GPM6A: variants seen among roughly 807,000 people sequenced by gnomAD.
GPM6A encodes the protein glycoprotein M6A.
Under a neutral mutation model 32.1 loss-of-function variants are expected in GPM6A, and 7 were observed. The observed-to-expected ratio is 0.22, with a 90% CI of 0.12 to 0.41. GPM6A has a LOEUF of 0.41. GPM6A is among the 10% of genes least tolerant of loss of function. The pLI is 1.00. For missense variants in GPM6A, 235 were observed against 347.2 expected, an observed-to-expected ratio of 0.68 and a Z score of 2.57; for synonymous variants, 130 against 123.4, an observed-to-expected ratio of 1.05 and a Z score of -0.35.
intron 3 of GPM6A, among the ~76,000 whole-genome samples, chr4:175,663,390 T>C (rs1178976615): frequency 1.3e-5 from 2 of 152,090 alleles, no homozygotes; most frequent in African/African-American, 4.8e-5. Context: ...GTGATGGGGT[T>C]TGGGGAGAGA....
At chr4:175,763,879 T>C (rs1188383924) in intron 1 of GPM6A, among the ~76,000 whole-genome samples, 1 of 152,224 alleles carries the variant, frequency 6.6e-6, no homozygotes, top group Admixed American at 6.5e-5. Context: ...CTTTGTGAAG[T>C]TCTGCAGTTA....
At chr4:175,942,802 C>T (rs1579649064) in intron 1 of GPM6A, among the ~76,000 whole-genome samples, 1 of 152,136 alleles carries the variant, frequency 6.6e-6, no homozygotes, top group East Asian at 1.9e-4. Context: ...AGTTTGAAGT[C>T]AGGTAGCGTG....
chr4:175,664,428 A>G (rs971669752), intron 3 of GPM6A, among the ~76,000 whole-genome samples: 4 of 152,228 alleles, frequency 2.6e-5, no homozygotes, highest in Non-Finnish European at 4.4e-5. Context: ...GAGGCTGCAC[A>G]TATGTAAGAA....
chr4:175,666,343 T>C (rs912731200), intron 3 of GPM6A, among the ~76,000 whole-genome samples: 1 of 152,186 alleles, frequency 6.6e-6, no homozygotes, highest in African/African-American at 2.4e-5. Context: ...CCTTAAAATA[T>C]AAACTATAGT....
At chr4:175,667,611 A>G (rs994604623) in intron 3 of GPM6A, among the ~76,000 whole-genome samples, 9 of 152,276 alleles carry the variant, frequency 5.9e-5, no homozygotes, top group Non-Finnish European at 1.2e-4. Flanking sequence ...CAAATATACC[A>G]TATTAAAGTA....
chr4:175,899,132 C>T (rs1363252324), intron 1 of GPM6A, among the ~76,000 whole-genome samples: 1 of 152,090 alleles, frequency 6.6e-6, no homozygotes, highest in East Asian at 1.9e-4. Context: ...TTGCTTCTTC[C>T]TCTCCCCTCT....
chr4:175,942,763 C>A (rs1010455658), intron 1 of GPM6A, among the ~76,000 whole-genome samples: 1 of 152,134 alleles, frequency 6.6e-6, no homozygotes, highest in African/African-American at 2.4e-5. Flanking sequence ...CAGTACCATG[C>A]TATTTTGGTT....
chr4:175,713,316 C>A (rs1745657031), intron 1 of GPM6A, among the ~76,000 whole-genome samples: 1 of 152,094 alleles, frequency 6.6e-6, no homozygotes. Context: ...CATTCTCCTG[C>A]CTCAGCCTCC....
intron 2 of GPM6A, among the ~76,000 whole-genome samples, chr4:175,680,710 G>T (rs1031933349): frequency 7.2e-5 from 11 of 152,256 alleles, no homozygotes; most frequent in Admixed American, 2.0e-4. Context: ...TGTCCGTCCT[G>T]TTCCTTGTAG....
intron 1 of GPM6A, among the ~76,000 whole-genome samples, chr4:175,748,116 C>G (rs982294651): frequency 1.3e-5 from 2 of 152,126 alleles, no homozygotes; most frequent in African/African-American, 4.8e-5. Context: ...TCCTCTATAT[C>G]TGCAGTTACT....
In GPM6A at chr4:175,968,050, G is replaced by A. The variant is rs116023111; in HGVS notation, c.-23+34259C>T. Among the ~76,000 whole-genome samples the A allele has an allele frequency of 5.2e-3, 786 of 152,054 alleles. 4 individuals carry two copies. Among genetic ancestry groups the A allele is most frequent in the African/African-American group, 0.017 (724 of 41,498 alleles). On this transcript the variant is annotated intron_variant, in intron 1 of 7. Transcript: ENST00000280187. ...ACAAAGTTATAGCAATCAAAACAGC[G>A]TAATACTGGCAAAAGAATAGACAAA... is the stretch of plus-strand genomic sequence containing the variant.
At chr4:175,964,273 C>T (rs548816617) in intron 1 of GPM6A, among the ~76,000 whole-genome samples, 25 of 145,366 alleles carry the variant, frequency 1.7e-4, no homozygotes, top group Non-Finnish European at 3.5e-4. Context: ...CTACACCAAA[C>T]TCTATGTTGT....
chr4:175,812,533 G>T (rs1734972095), upstream of GPM6A: 15 of 1,077,832 alleles, frequency 1.4e-5, no homozygotes, highest in Middle Eastern at 8.3e-4. Context: ...CAAACAAATA[G>T]CCTGAGAATT....
intron 1 of GPM6A, among the ~76,000 whole-genome samples, chr4:175,890,116 A>C (rs1737594449): frequency 1.3e-5 from 2 of 152,228 alleles, no homozygotes; most frequent in Admixed American, 6.5e-5. Context: ...ATGAGACTCT[A>C]CTGCATACCC....
rs368407396 is a variant in GPM6A at position 175,932,193 on chromosome 4, A to G, written c.-23+70116T>C. Among the ~76,000 whole-genome samples the G allele has an allele frequency of 1.6e-4, 24 of 152,296 alleles. 1 individual carries two copies. Among genetic ancestry groups the G allele is most frequent in the African/African-American group, 3.1e-4 (13 of 41,570 alleles). ...GCTATTGTTTGGATGTGTCCCTTCC[A>G]AAATGCAGGTGTTGCCAGTACTATA... On this transcript the variant is annotated intron_variant, in intron 1 of 7. Coordinates refer to the GPM6A transcript ENST00000280187.
intron 1 of GPM6A, among the ~76,000 whole-genome samples, chr4:175,878,129 C>T (rs1737144846): frequency 6.6e-6 from 1 of 152,232 alleles, no homozygotes; most frequent in African/African-American, 2.4e-5. Context: ...AGCTCTGCCC[C>T]TGTAGCTTTG....
rs763002687 is a variant in GPM6A, at chr4:175,970,904, C to G, written c.-23+31405G>C. ...TAGGCATCACTCGATACCGACAGAC[C>G]CTTTTTTTTCCCAACTGAAGAACAC... is the stretch of plus-strand genomic sequence containing the variant. On this transcript the variant is annotated intron_variant, in intron 1 of 7. Coordinates refer to the GPM6A transcript ENST00000280187. The G allele has an allele frequency of 7.0e-5, 31 of 446,000 alleles. No individual in the cohort carries two copies. The East Asian group carries it at 1.2e-3, about 17-fold the overall frequency. 27.6% of individuals were successfully genotyped at this position (446,000 alleles called of 1,614,324 possible).
At chr4:175,826,231 C>T (rs1212535938) in intron 1 of GPM6A, among the ~76,000 whole-genome samples, 4 of 152,126 alleles carry the variant, frequency 2.6e-5, no homozygotes, top group East Asian at 1.9e-4. Flanking sequence ...CTGATCCGTA[C>T]CATAAGGCTT....
intron 1 of GPM6A, among the ~76,000 whole-genome samples, chr4:175,867,799 G>T (rs1230995810): frequency 6.6e-6 from 1 of 152,134 alleles, no homozygotes; most frequent in Admixed American, 6.6e-5. Flanking sequence ...CACATGAAAG[G>T]CTACAGCCGA....
Sources: gnomAD v4.1 joint callset for allele counts (sites outside exome capture counted in the v4.1 genomes callset) on GRCh38, gnomAD v4.1.1 for gene constraint, MANE v1.5 for transcripts, NCBI Gene and HGNC (gene_info 2026-07-23, HGNC 2026-07-21) for gene names.